RASSF6: variants seen among roughly 807,000 people sequenced by gnomAD.
The protein encoded by RASSF6 is Ras association domain family member 6.
Under a neutral mutation model 44.0 loss-of-function variants are expected in RASSF6, and 52 were observed. The ratio of observed to expected loss-of-function variants is 1.18; its 90% CI spans 0.95 to 1.49. The LOEUF (loss-of-function observed/expected upper bound fraction) is 1.49, where lower values mean the gene tolerates loss of function less well. Among genes scored for constraint, RASSF6 ranks in the 40% most tolerant of loss-of-function variants. The pLI is 0.00. For missense variants in RASSF6, 464 were observed against 393.3 expected, an observed-to-expected ratio of 1.18 and a Z score of -1.52; for synonymous variants, 162 against 124.6, an observed-to-expected ratio of 1.30 and a Z score of -2.00.
At chr4:73,618,498 T>C (rs1483029570) in intron 1 of RASSF6, among the ~76,000 whole-genome samples, 2 of 152,166 alleles carry the variant, frequency 1.3e-5, no homozygotes, top group Non-Finnish European at 2.9e-5. Flanking sequence ...TGTATAACAA[T>C]ATGGAAATTC....
chr4:73,581,053 T>C (rs1723599271), intron 8 of RASSF6, among the ~76,000 whole-genome samples: 1 of 151,596 alleles, frequency 6.6e-6, no homozygotes, highest in South Asian at 2.1e-4. Context: ...CTTTCAATTA[T>C]AAGAACTTTA....
intron 4 of RASSF6, among the ~76,000 whole-genome samples, chr4:73,592,500 C>T (rs1275407766): frequency 1.3e-5 from 2 of 152,196 alleles, no homozygotes; most frequent in Admixed American, 6.5e-5. Flanking sequence ...ATGAAAGGAA[C>T]TTTTATACAG....
chr4:73,576,449 T>C lies in RASSF6; in HGVS notation c.899A>G (p.Asn300Ser). ...TTGAATCTCTCTTTTCTCTTCTTCA[T>C]TTAATCTTTGAAGAATGGATTCCAA... ...SLLESILQRLNEEEKREIQRI... is the reference protein window; with the variant it reads ...SLLESILQRLSEEEKREIQRI... The change falls in exon 10 of 11, where the codon AAT becomes AGT. Residue 300 changes from asparagine (N) to serine (S), a missense_variant. By Grantham distance (46) the Asn-to-Ser change is conservative (BLOSUM62 1). Coordinates refer to ENST00000307439, the MANE Select transcript of RASSF6 (RefSeq NM_177532.5). 1.3e-6 allele frequency: 2 copies of C among 1,584,838 alleles called. No individual in the cohort carries two copies. Among genetic ancestry groups the C allele is most frequent in the Non-Finnish European group, 8.6e-7 (1 of 1,161,842 alleles).
In RASSF6 at chr4:73,611,778, G is replaced by T. The variant is rs1460976437; in HGVS notation, c.18C>A (p.His6Gln). Reference protein sequence around the residue: MTMMAHQYPSWIFINE... With the variant: MTMMAQQYPSWIFINE... ...TAATGAAGATCCAAGAGGGGTACTG[G>T]TGAGCCATCATAGTCATCTTTTCCT... is the stretch of plus-strand genomic sequence containing the variant. The change falls in exon 2 of 11, where the codon CAC (histidine) becomes CAA (glutamine). Residue 6 changes from histidine (H) to glutamine (Q), a missense_variant. By Grantham distance (24) the His-to-Gln change is conservative. Transcript: ENST00000307439. The T allele has an allele frequency of 1.2e-6, 2 of 1,611,376 alleles. No individual in the cohort carries two copies. The highest frequency in any genetic ancestry group is 3.3e-5 in the Admixed American group (2 of 59,952).
At chr4:73,619,170 C>T (rs192649449) in intron 1 of RASSF6, among the ~76,000 whole-genome samples, 183 of 152,242 alleles carry the variant, frequency 1.2e-3, no homozygotes, top group African/African-American at 4.2e-3. Context: ...GCATGAATTC[C>T]ACAATATGAG....
intron 1 of RASSF6, among the ~76,000 whole-genome samples, chr4:73,615,117 T>C (rs529330325): frequency 1.6e-4 from 21 of 135,156 alleles, no homozygotes; most frequent in Non-Finnish European, 2.6e-4. Flanking sequence ...AGATGGAGGT[T>C]GCAGTGAGCC....
intron 3 of RASSF6, among the ~76,000 whole-genome samples, chr4:73,596,166 G>T (rs188009804): frequency 1.3e-5 from 2 of 152,010 alleles, no homozygotes; most frequent in Admixed American, 6.5e-5. Flanking sequence ...AGAAATAAAG[G>T]ACGTTCAAAT....
intron 6 of RASSF6, among the ~76,000 whole-genome samples, chr4:73,583,007 C>T (rs976906024): frequency 2.0e-5 from 3 of 152,022 alleles, no homozygotes; most frequent in Admixed American, 1.3e-4. Context: ...GTGACATTTA[C>T]GATTTCTATG....
chr4:73,620,220 A>T, intron 1 of RASSF6, 68 bp downstream of exon 1: 1 of 1,057,512 alleles, frequency 9.5e-7, no homozygotes, highest in Middle Eastern at 3.1e-4. Flanking sequence ...CTGCTTTCTA[A>T]TAACTTGCCC....
intron 3 of RASSF6, among the ~76,000 whole-genome samples, chr4:73,597,644 T>C (rs1162352447): frequency 6.6e-6 from 1 of 152,154 alleles, no homozygotes; most frequent in African/African-American, 2.4e-5. Flanking sequence ...GGAGAATAAA[T>C]CATTTTATTA....
chr4:73,601,221 T>A (rs1725258853), intron 2 of RASSF6, among the ~76,000 whole-genome samples: 1 of 152,210 alleles, frequency 6.6e-6, no homozygotes, highest in Non-Finnish European at 1.5e-5. Flanking sequence ...AGTCTACAAA[T>A]GACATAAGGA....
chr4:73,614,466 C>T (rs1284888915), intron 1 of RASSF6, among the ~76,000 whole-genome samples: 2 of 152,148 alleles, frequency 1.3e-5, no homozygotes, highest in African/African-American at 4.8e-5. Flanking sequence ...CATGTCAGAG[C>T]ATAGCAAAAA....
At chr4:73,580,069 G>A (rs974054145) in intron 8 of RASSF6, among the ~76,000 whole-genome samples, 1 of 131,350 alleles carries the variant, frequency 7.6e-6, no homozygotes, top group African/African-American at 2.9e-5. Context: ...TCCCCTTCCT[G>A]TGTCCATGTG....
chr4:73,611,688 G>C, intron 2 of RASSF6, 43 bp downstream of exon 2: 1 of 1,281,500 alleles, frequency 7.8e-7, no homozygotes, highest in Non-Finnish European at 1.1e-6. Context: ...TTCCACAAAT[G>C]ACTGGTGAGT....
intron 4 of RASSF6, among the ~76,000 whole-genome samples, chr4:73,590,139 A>G (rs1724425899): frequency 6.6e-6 from 1 of 152,258 alleles, no homozygotes; most frequent in Non-Finnish European, 1.5e-5. Flanking sequence ...AGATCAAAGT[A>G]CTGCCCATAG....
At chr4:73,578,014 C>G (rs1017130908) in intron 8 of RASSF6, among the ~76,000 whole-genome samples, 1 of 1,452 alleles carries the variant, frequency 6.9e-4, no homozygotes, top group Non-Finnish European at 1.9e-3. Context: ...CAAACAGGAG[C>G]CATATGCTCT....
intron 5 of RASSF6, 94 bp downstream of exon 5, chr4:73,587,746 T>C (rs760130027): frequency 2.9e-6 from 2 of 697,518 alleles, no homozygotes; most frequent in Non-Finnish European, 5.1e-6. Flanking sequence ...TGTGTAGTAG[T>C]ATGAAAAAGG....
chr4:73,593,924 T>A (rs1455248674), intron 3 of RASSF6, among the ~76,000 whole-genome samples: 1 of 152,150 alleles, frequency 6.6e-6, no homozygotes, highest in Non-Finnish European at 1.5e-5. Flanking sequence ...TAATTTAAAA[T>A]TAAAGCAGAT....
chr4:73,617,507 G>A (rs1726441683), intron 1 of RASSF6, among the ~76,000 whole-genome samples: 2 of 152,178 alleles, frequency 1.3e-5, no homozygotes, highest in Non-Finnish European at 2.9e-5. Context: ...GAGCTTCCCA[G>A]TAGAAATTCT....
Sources: gnomAD v4.1 joint callset for allele counts (sites outside exome capture counted in the v4.1 genomes callset) on GRCh38, gnomAD v4.1.1 for gene constraint, MANE v1.5 for transcripts, NCBI Gene and HGNC (gene_info 2026-07-23, HGNC 2026-07-21) for gene names.